MALRD1: variants seen among roughly 807,000 people sequenced by gnomAD.
MALRD1 encodes the protein MAM and LDL-receptor class A domain-containing protein 1.
Under a neutral mutation model 242.1 loss-of-function variants are expected in MALRD1, and 247 were observed. That is an observed-to-expected ratio of 1.02 (90% CI 0.92 to 1.13). The LOEUF is 1.13. Among genes scored for constraint, MALRD1 ranks in the 50% most tolerant of loss-of-function variants. The pLI, the probability that MALRD1 is intolerant of heterozygous loss-of-function variation, is 0.00. For synonymous variants in MALRD1, 995 were observed against 866.6 expected (o/e 1.15, Z -2.60); for missense variants, 2,989 against 2,533.1 (o/e 1.18, Z -3.86).
intron 21 of MALRD1, chr10:19,291,393 G>T (rs1841415323): frequency 1.3e-5 from 2 of 152,020 alleles, no homozygotes; most frequent in African/African-American, 4.8e-5. Flanking sequence ...AAAATCTCTG[G>T]GAATGAGGCC....
At chr10:19,204,836 A>G in intron 16 of MALRD1, 62 bp from the exon 17 acceptor site, 1 of 1,434,864 alleles carries the variant, frequency 7.0e-7, no homozygotes, top group East Asian at 2.5e-5. Context: ...GAAAAATCTA[A>G]AGGTTAAATA....
intron 28 of MALRD1, among the ~76,000 whole-genome samples, chr10:19,430,728 C>A (rs1329405493): frequency 1.3e-5 from 2 of 152,062 alleles, no homozygotes; most frequent in Non-Finnish European, 2.9e-5. Flanking sequence ...GAAAATTTGA[C>A]CTTAATGTGG....
intron 1 of MALRD1, among the ~76,000 whole-genome samples, chr10:19,063,357 T>C (rs1834879334): frequency 6.6e-6 from 1 of 152,204 alleles, no homozygotes. Context: ...TCTTACATTG[T>C]GTTCTGTCTT....
chr10:19,462,704 A>G (rs17733367), intron 29 of MALRD1, among the ~76,000 whole-genome samples: 48,972 of 152,184 alleles, frequency 0.32, 8,518 homozygotes, highest in East Asian at 0.41. Flanking sequence ...ATAGAAGGAT[A>G]TTACACAGAT....
intron 32 of MALRD1, among the ~76,000 whole-genome samples, chr10:19,561,756 G>T (rs913333111): frequency 6.6e-6 from 1 of 151,688 alleles, no homozygotes; most frequent in African/African-American, 2.4e-5. Flanking sequence ...AAACAAGAAG[G>T]CTGGAATGCC....
chr10:19,698,069 T>C (rs1192871149), intron 38 of MALRD1, among the ~76,000 whole-genome samples: 1 of 152,194 alleles, frequency 6.6e-6, no homozygotes, highest in Non-Finnish European at 1.5e-5. Context: ...AAGCTCCAGA[T>C]CCATACCGTG....
At chr10:19,222,868 CA>C (rs1218329688) in intron 18 of MALRD1, among the ~76,000 whole-genome samples, 1 of 152,154 alleles carries the variant, frequency 6.6e-6, no homozygotes, top group East Asian at 1.9e-4. Flanking sequence ...ACATGGCGTT[CA>C]CTAAGAAAAA....
intron 18 of MALRD1, among the ~76,000 whole-genome samples, chr10:19,216,645 G>A (rs911076612): frequency 1.3e-5 from 2 of 151,968 alleles, no homozygotes; most frequent in Admixed American, 1.3e-4. Context: ...CAGTATAACA[G>A]TAAAGATGTG....
intron 29 of MALRD1, among the ~76,000 whole-genome samples, chr10:19,481,218 C>T (rs531118644): frequency 2.0e-5 from 3 of 152,212 alleles, no homozygotes; most frequent in African/African-American, 7.2e-5. Flanking sequence ...GGTCCAGTAA[C>T]TCTGATAACA....
intron 28 of MALRD1, among the ~76,000 whole-genome samples, chr10:19,393,021 T>A (rs1846403735): frequency 6.6e-6 from 1 of 152,142 alleles, no homozygotes; most frequent in African/African-American, 2.4e-5. Flanking sequence ...AGTTATAAAC[T>A]CAAGGTCACC....
chr10:19,476,884 A>G (rs1836762624), intron 29 of MALRD1, among the ~76,000 whole-genome samples: 1 of 152,172 alleles, frequency 6.6e-6, no homozygotes, highest in African/African-American at 2.4e-5. Context: ...ATTTCAACAT[A>G]CGCTTCCAAA....
At chr10:19,557,853 A>C (rs1835794614) in intron 32 of MALRD1, among the ~76,000 whole-genome samples, 1 of 152,088 alleles carries the variant, frequency 6.6e-6, no homozygotes, top group African/African-American at 2.4e-5. Context: ...TCTATAAATT[A>C]AGTTGGGAAG....
rs183128313 is a variant in MALRD1 at position 19,173,523 on chromosome 10, A to G, written c.1831-1685A>G. On this transcript the variant is annotated intron_variant, in intron 13 of 39. Coordinates refer to ENST00000454679, the MANE Select transcript of MALRD1 (RefSeq NM_001142308.3). ...TTTTTCTTTTTAACAAATGCTGTCT[A>G]GTTTCTCTCCAGTTGAGCTGTACCA... is the stretch of plus-strand genomic sequence containing the variant. 7.2e-5 allele frequency among the ~76,000 whole-genome samples: 11 copies of G among 152,222 alleles called. No homozygotes were observed. In the East Asian group the frequency reaches 1.5e-3, roughly 21 times the overall value.
chr10:19,185,117 T>C (rs181149631), intron 14 of MALRD1, among the ~76,000 whole-genome samples: 27 of 152,362 alleles, frequency 1.8e-4, no homozygotes, highest in African/African-American at 6.5e-4. Flanking sequence ...ATGTGTATAC[T>C]GGAAAATGAA....
intron 31 of MALRD1, among the ~76,000 whole-genome samples, chr10:19,528,437 A>G (rs1834195840): frequency 6.6e-6 from 1 of 152,062 alleles, no homozygotes; most frequent in African/African-American, 2.4e-5. Context: ...TACCAAAAAT[A>G]CAAAAATTAG....
At chr10:19,390,097 G>A (rs541242063) in intron 28 of MALRD1, among the ~76,000 whole-genome samples, 7 of 152,304 alleles carry the variant, frequency 4.6e-5, no homozygotes, top group African/African-American at 1.2e-4. Context: ...CCAGCTTTGA[G>A]TTCAACATCA....
chr10:19,299,342 A>G lies in MALRD1; in HGVS notation c.3419+16161A>G, dbSNP rs138680163. On this transcript the variant is annotated intron_variant, in intron 21 of 39. Transcript: ENST00000454679. Reference sequence around the variant, plus strand: ...AAAGTAAAGGGGTGGAGAAAGATCTATCAAATAGAAAACAATAGGGAGCAA... The same window carrying G: ...AAAGTAAAGGGGTGGAGAAAGATCTGTCAAATAGAAAACAATAGGGAGCAA... 1.4e-3 allele frequency among the ~76,000 whole-genome samples: 214 copies of G among 152,106 alleles called. 1 individual carries two copies. In the East Asian group the frequency reaches 0.033, roughly 24 times the overall value.
intron 29 of MALRD1, among the ~76,000 whole-genome samples, chr10:19,456,782 T>A (rs113933226): frequency 2.1e-4 from 31 of 148,798 alleles, no homozygotes; most frequent in African/African-American, 7.2e-4. Flanking sequence ...TTTATTTATT[T>A]ATTTATTTTG....
At chr10:19,608,963 G>T (rs921685255) in intron 35 of MALRD1, among the ~76,000 whole-genome samples, 2 of 152,004 alleles carry the variant, frequency 1.3e-5, no homozygotes, top group African/African-American at 2.4e-5. Flanking sequence ...TTACTGAGTA[G>T]CTCTATTCTT....
Sources: gnomAD v4.1 joint callset for allele counts (sites outside exome capture counted in the v4.1 genomes callset) on GRCh38, gnomAD v4.1.1 for gene constraint, MANE v1.5 for transcripts, NCBI Gene and HGNC (gene_info 2026-07-23, HGNC 2026-07-21) for gene names.